ENOX1: variants seen among roughly 807,000 people sequenced by gnomAD.
ENOX1 encodes ecto-NOX disulfide-thiol exchanger 1.
In ENOX1, 42 loss-of-function variants were observed where a neutral mutation model predicts 82.5. The observed-to-expected ratio is 0.51, with a 90% CI of 0.40 to 0.66. The LOEUF (loss-of-function observed/expected upper bound fraction) is 0.66, where lower values mean the gene tolerates loss of function less well. ENOX1 is among the 30% of genes least tolerant of loss of function. ENOX1 has a pLI of 0.00. For missense variants in ENOX1, 608 were observed against 811.6 expected, an observed-to-expected ratio of 0.75 and a Z score of 3.05; for synonymous variants, 271 against 282.2, an observed-to-expected ratio of 0.96 and a Z score of 0.40.
chr13:43,559,038 CACAA>C (rs1566525449), intron 2 of ENOX1, among the ~76,000 whole-genome samples: 3 of 152,290 alleles, frequency 2.0e-5, no homozygotes, highest in African/African-American at 7.2e-5. Flanking sequence ...AAAAGGATGA[CACAA>C]ACAGAGTAAA....
intron 3 of ENOX1, among the ~76,000 whole-genome samples, chr13:43,460,322 G>T (rs2057410922): frequency 6.6e-6 from 1 of 152,014 alleles, no homozygotes; most frequent in African/African-American, 2.4e-5. Context: ...AGGTTTTAAA[G>T]TGTTCTGTTT....
intron 9 of ENOX1, among the ~76,000 whole-genome samples, chr13:43,333,612 T>C (rs1359025900): frequency 6.6e-6 from 1 of 152,180 alleles, no homozygotes; most frequent in African/African-American, 2.4e-5. Context: ...ATGAAAATCA[T>C]ATAATGGTAA....
At chr13:43,332,526 G>A (rs941522797) in intron 9 of ENOX1, among the ~76,000 whole-genome samples, 1 of 152,008 alleles carries the variant, frequency 6.6e-6, no homozygotes, top group Non-Finnish European at 1.5e-5. Context: ...ATAAAGAGAA[G>A]CCTACTGATC....
chr13:43,766,886 G>A (rs1029513856), intron 1 of ENOX1, among the ~76,000 whole-genome samples: 8 of 151,870 alleles, frequency 5.3e-5, no homozygotes, highest in Non-Finnish European at 5.9e-5. Context: ...TCATCTGCCC[G>A]GCTGCAGCTG....
At chr13:43,259,477 CT>C (rs1283280151) in intron 14 of ENOX1, among the ~76,000 whole-genome samples, 2 of 152,082 alleles carry the variant, frequency 1.3e-5, no homozygotes, top group Non-Finnish European at 2.9e-5. Flanking sequence ...CATTTTCCTT[CT>C]TTTTTTCTTT....
chr13:43,358,290 C>A lies in ENOX1; in HGVS notation c.589+1561G>T, dbSNP rs529316666. On this transcript the variant is annotated intron_variant, in intron 7 of 16. Transcript: ENST00000690772. ...CAAGTAGGGTAAAGAATACAGTTGACCTGTGAGCATGGGTTTAATCTGTGC... is the reference window on the plus strand; with the variant it reads ...CAAGTAGGGTAAAGAATACAGTTGAACTGTGAGCATGGGTTTAATCTGTGC... 1.2e-4 allele frequency among the ~76,000 whole-genome samples: 18 copies of A among 152,182 alleles called. No homozygotes were observed. In the South Asian group the frequency reaches 3.5e-3, roughly 30 times the overall value.
rs2080010167 is a variant in ENOX1 at position 43,568,336 on chromosome 13, G to A, written c.-218-84184C>T. ...GCCCACAGAGAGTGGCACACACTGA[G>A]AACACACAGTATCTGACTTAAAATT... On this transcript the variant is annotated intron_variant, in intron 2 of 16. Coordinates refer to ENST00000690772, the MANE Select transcript of ENOX1 (RefSeq NM_001347969.2). 2.0e-5 allele frequency among the ~76,000 whole-genome samples: 3 copies of A among 152,250 alleles called. No homozygotes were observed. In the South Asian group the frequency reaches 6.2e-4, roughly 32 times the overall value.
intron 2 of ENOX1, among the ~76,000 whole-genome samples, chr13:43,616,149 T>G (rs1456248465): frequency 3.2e-5 from 1 of 30,824 alleles, no homozygotes. Flanking sequence ...TAGATATCTA[T>G]ATAGATAGAT....
chr13:43,710,251 G>A lies in ENOX1; in HGVS notation c.-284-42707C>T, dbSNP rs575164938. On this transcript the variant is annotated intron_variant, in intron 1 of 16. Coordinates refer to ENST00000690772, the MANE Select transcript of ENOX1 (RefSeq NM_001347969.2). ...CAGATAAAGTTTATCCCGATGTTCA[G>A]ATATATCCTATGTCTGGATAACATA... 2.6e-5 allele frequency among the ~76,000 whole-genome samples: 4 copies of A among 152,244 alleles called. No individual in the cohort carries two copies. In the South Asian group the frequency reaches 8.3e-4, roughly 32 times the overall value.
At chr13:43,638,231 C>T (rs1442057154) in intron 2 of ENOX1, among the ~76,000 whole-genome samples, 1 of 152,168 alleles carries the variant, frequency 6.6e-6, no homozygotes, top group East Asian at 1.9e-4. Context: ...AAATCTATCA[C>T]ATAGTATCAA....
At chr13:43,254,994 TA>T (rs933542115) in intron 14 of ENOX1, among the ~76,000 whole-genome samples, 1 of 151,852 alleles carries the variant, frequency 6.6e-6, no homozygotes, top group East Asian at 1.9e-4. Context: ...TTGAAACTAT[TA>T]AAAAAACCAC....
intron 1 of ENOX1, among the ~76,000 whole-genome samples, chr13:43,737,545 C>G (rs1004364341): frequency 1.1e-4 from 17 of 152,126 alleles, no homozygotes; most frequent in Non-Finnish European, 2.4e-4. Context: ...GATGGGAACC[C>G]TTCCTCAGAA....
chr13:43,633,290 T>C (rs115565296), intron 2 of ENOX1, among the ~76,000 whole-genome samples: 2,037 of 152,280 alleles, frequency 0.013, 57 homozygotes, highest in African/African-American at 0.047. Flanking sequence ...TCATAGACCA[T>C]TGATGAGAAA....
At chr13:43,254,582 A>G (rs1387013135) in intron 14 of ENOX1, among the ~76,000 whole-genome samples, 2 of 152,364 alleles carry the variant, frequency 1.3e-5, no homozygotes, top group East Asian at 1.9e-4. Flanking sequence ...TACATTGTCA[A>G]TATCCACTGC....
intron 2 of ENOX1, among the ~76,000 whole-genome samples, chr13:43,642,511 T>G (rs2083698037): frequency 1.3e-5 from 2 of 152,198 alleles, no homozygotes; most frequent in African/African-American, 4.8e-5. Flanking sequence ...AGCAATTAAA[T>G]TTAGCTGATA....
At chr13:43,782,572 G>T (rs555198895) in intron 1 of ENOX1, among the ~76,000 whole-genome samples, 16 of 152,190 alleles carry the variant, frequency 1.1e-4, no homozygotes, top group Admixed American at 8.5e-4. Flanking sequence ...TGGTGAAAAG[G>T]CCTCTTTAAT....
intron 2 of ENOX1, among the ~76,000 whole-genome samples, chr13:43,571,647 G>A (rs1241355313): frequency 6.6e-6 from 1 of 152,176 alleles, no homozygotes; most frequent in African/African-American, 2.4e-5. Context: ...CTGAGATTGT[G>A]CCAGTGCACT....
intron 1 of ENOX1, among the ~76,000 whole-genome samples, chr13:43,683,585 T>C (rs961379913): frequency 2.0e-5 from 3 of 152,070 alleles, no homozygotes; most frequent in Admixed American, 2.0e-4. Context: ...ACCTCCAAAC[T>C]GGAGGCTCAA....
At chr13:43,779,604 G>T (rs993275367) in intron 1 of ENOX1, among the ~76,000 whole-genome samples, 5 of 152,214 alleles carry the variant, frequency 3.3e-5, no homozygotes, top group Non-Finnish European at 7.3e-5. Flanking sequence ...CCATTCAGTG[G>T]GTCTTGGGTG....
Sources: allele counts gnomAD v4.1 joint callset (sites outside exome capture counted in the v4.1 genomes callset), GRCh38; gene constraint gnomAD v4.1.1; transcripts MANE v1.5; gene names NCBI Gene and HGNC (gene_info 2026-07-23, HGNC 2026-07-21).